CNBD1: variants seen among roughly 807,000 people sequenced by gnomAD.
CNBD1 encodes the protein cyclic nucleotide binding domain containing 1.
Under a neutral mutation model 54.4 loss-of-function variants are expected in CNBD1, and 71 were observed. That is an observed-to-expected ratio of 1.30 (90% CI 1.08 to 1.59). The LOEUF is 1.59. CNBD1 is among the 40% of genes most tolerant of loss of function. The pLI is 0.00. For missense variants in CNBD1, 659 were observed against 518.0 expected, an observed-to-expected ratio of 1.27 and a Z score of -2.64; for synonymous variants, 182 against 170.7, an observed-to-expected ratio of 1.07 and a Z score of -0.51.
rs536959494 is a variant in CNBD1, at chr8:87,164,414, C to A, written c.432-41579C>A. 2.1e-4 allele frequency among the ~76,000 whole-genome samples: 32 copies of A among 151,034 alleles called. No individual in the cohort carries two copies. In the East Asian group the frequency reaches 5.1e-3, roughly 24 times the overall value. ...AAATTCACCATTGAAGTCATTTGAC[C>A]CTAGATGTTTTTTCCTTTTTGTTGG... On this transcript the variant is annotated intron_variant, in intron 4 of 10. Coordinates refer to ENST00000518476, the MANE Select transcript of CNBD1 (RefSeq NM_173538.3).
At chr8:87,032,016 A>G (rs1484551424) in intron 4 of CNBD1, among the ~76,000 whole-genome samples, 1 of 152,188 alleles carries the variant, frequency 6.6e-6, no homozygotes, top group Non-Finnish European at 1.5e-5. Flanking sequence ...GCTGGGAATT[A>G]CAGGCATGAG....
chr8:87,254,995 A>T lies in CNBD1; in HGVS notation c.771+17883A>T, dbSNP rs78870369. 3.1e-3 allele frequency among the ~76,000 whole-genome samples: 479 copies of T among 152,234 alleles called. 5 individuals carry two copies. Among genetic ancestry groups the T allele is most frequent in the African/African-American group, 0.011 (449 of 41,552 alleles). ...TCTATTCACTGATTTTTTTTAAAAA[A>T]GATTTTTACTACCTGATCTTTATGC... On this transcript the variant is annotated intron_variant, in intron 6 of 10. Transcript: ENST00000518476.
chr8:87,108,268 C>T (rs755201610), intron 4 of CNBD1, among the ~76,000 whole-genome samples: 14 of 152,010 alleles, frequency 9.2e-5, no homozygotes, highest in East Asian at 7.7e-4. Context: ...AAAGTGAAAT[C>T]GTAATACTAC....
intron 4 of CNBD1, 107 bp from the exon 5 acceptor site, chr8:87,205,886 T>G: frequency 3.2e-6 from 3 of 940,086 alleles, no homozygotes; most frequent in Non-Finnish European, 4.3e-6. Context: ...TTAAAAACCC[T>G]TAACTAAACA....
chr8:87,153,600 G>T (rs776337934), intron 4 of CNBD1, among the ~76,000 whole-genome samples: 1 of 152,088 alleles, frequency 6.6e-6, no homozygotes, highest in Non-Finnish European at 1.5e-5. Flanking sequence ...TAAATGTCAC[G>T]AAATTTCAAA....
intron 4 of CNBD1, among the ~76,000 whole-genome samples, chr8:87,196,087 C>T (rs962085332): frequency 6.6e-6 from 1 of 152,200 alleles, no homozygotes; most frequent in Admixed American, 6.5e-5. Context: ...CATAATCAAT[C>T]CTTTTGAACA....
At chr8:87,410,987 C>A (rs943800429) in intron 2 of CNBD1, among the ~76,000 whole-genome samples, 15 of 152,110 alleles carry the variant, frequency 9.9e-5, no homozygotes, top group African/African-American at 1.9e-4. Context: ...AGATATACTG[C>A]TATTGCACTT....
At chr8:87,193,449 C>G (rs940539479) in intron 4 of CNBD1, among the ~76,000 whole-genome samples, 7 of 152,158 alleles carry the variant, frequency 4.6e-5, no homozygotes, top group African/African-American at 1.7e-4. Context: ...TTTAATTTGA[C>G]AGCTTTTCAA....
At chr8:87,227,679 T>G (rs1455801194) in intron 5 of CNBD1, among the ~76,000 whole-genome samples, 2 of 145,734 alleles carry the variant, frequency 1.4e-5, no homozygotes, top group African/African-American at 5.3e-5. Context: ...TAACATTTTT[T>G]CCTTCATTTC....
At chr8:87,310,105 A>G (rs920764236) in intron 8 of CNBD1, among the ~76,000 whole-genome samples, 1 of 152,140 alleles carries the variant, frequency 6.6e-6, no homozygotes, top group African/African-American at 2.4e-5. Flanking sequence ...CTATAATTCC[A>G]GCATTTTGGG....
At chr8:87,022,117 T>C (rs1809502344) in intron 4 of CNBD1, among the ~76,000 whole-genome samples, 1 of 152,134 alleles carries the variant, frequency 6.6e-6, no homozygotes, top group African/African-American at 2.4e-5. Flanking sequence ...TCACGGGTAG[T>C]AAAAGAATTT....
intron 10 of CNBD1, among the ~76,000 whole-genome samples, chr8:87,375,339 G>A (rs4349999): frequency 0.019 from 2,870 of 151,744 alleles, 92 homozygotes; most frequent in African/African-American, 0.063. Flanking sequence ...AGAGGTAAGT[G>A]GAATTTAGCA....
intron 8 of CNBD1, among the ~76,000 whole-genome samples, chr8:87,318,599 T>A (rs2130897067): frequency 6.6e-6 from 1 of 152,096 alleles, no homozygotes; most frequent in Non-Finnish European, 1.5e-5. Context: ...GCTCACCCAG[T>A]ACAGCTTCCC....
chr8:87,288,397 C>T (rs1009501826), intron 8 of CNBD1, among the ~76,000 whole-genome samples: 1 of 151,772 alleles, frequency 6.6e-6, no homozygotes, highest in Non-Finnish European at 1.5e-5. Context: ...ATATAATATC[C>T]AATCTTTGCC....
At chr8:86,985,822 G>A (rs1405150662) in intron 4 of CNBD1, among the ~76,000 whole-genome samples, 1 of 152,114 alleles carries the variant, frequency 6.6e-6, no homozygotes, top group Non-Finnish European at 1.5e-5. Context: ...ACCAACAATG[G>A]TTAAGCCTTC....
chr8:87,048,390 A>G (rs570546767), intron 4 of CNBD1, among the ~76,000 whole-genome samples: 25 of 152,328 alleles, frequency 1.6e-4, no homozygotes, highest in Non-Finnish European at 3.1e-4. Flanking sequence ...TCTCACCTGT[A>G]GTAAAGCCAC....
At chr8:87,015,305 C>T (rs1809331324) in intron 4 of CNBD1, among the ~76,000 whole-genome samples, 1 of 152,092 alleles carries the variant, frequency 6.6e-6, no homozygotes, top group South Asian at 2.1e-4. Context: ...GCATCAGCCT[C>T]CCGAGTAGCT....
chr8:87,319,342 C>G (rs1809470103), intron 8 of CNBD1, among the ~76,000 whole-genome samples: 1 of 152,014 alleles, frequency 6.6e-6, no homozygotes, highest in Non-Finnish European at 1.5e-5. Flanking sequence ...CCTCATATTC[C>G]CATAGGTATT....
intron 8 of CNBD1, among the ~76,000 whole-genome samples, chr8:87,314,260 C>T (rs1166863336): frequency 1.3e-5 from 2 of 151,680 alleles, no homozygotes; most frequent in African/African-American, 2.4e-5. Flanking sequence ...AAGAATGGCA[C>T]ACCCAAAACA....
Sources: gnomAD v4.1 joint callset for allele counts (sites outside exome capture counted in the v4.1 genomes callset) on GRCh38, gnomAD v4.1.1 for gene constraint, MANE v1.5 for transcripts, NCBI Gene and HGNC (gene_info 2026-07-23, HGNC 2026-07-21) for gene names.